Variants in HIPK1 observed in about 807,000 individuals in gnomAD.
HIPK1 encodes the protein homeodomain-interacting protein kinase 1.
HIPK1 carries 28 observed loss-of-function variants against 117.1 expected under a neutral mutation model. The observed-to-expected ratio is 0.24, with a 90% confidence interval of 0.18 to 0.33. HIPK1 has a LOEUF of 0.33. Ranked by LOEUF, HIPK1 falls within the 10% of genes least tolerant of loss-of-function variation. The pLI, the probability that HIPK1 is intolerant of heterozygous loss-of-function variation, is 1.00. For synonymous variants in HIPK1, 605 were observed against 562.5 expected (o/e 1.08, Z -1.07); for missense variants, 1,122 against 1,475.1 (o/e 0.76, Z 3.92).
chr1:113,940,430 G>C lies in HIPK1; in HGVS notation c.47G>C (p.Ser16Thr). The change falls in exon 2 of 16, where the codon AGT becomes ACT. Residue 16 changes from serine (S) to threonine (T), a missense_variant. By Grantham distance (58) the Ser-to-Thr change is moderately conservative. Around this residue, in one of 6 missense-constraint regions of HIPK1, gnomAD observed 192 missense variants for 234.0 expected, o/e 0.82. Transcript: ENST00000426820. ...TTTTCGCCCCCATCAGTGTCGTCGA[G>C]TGCCTTCTGCAGTGCGAAGAAACTG... ...QVFSPPSVSS[S>T]AFCSAKKLKI... The C allele has an allele frequency of 2.5e-6, 4 of 1,613,680 alleles. No individual in the cohort carries two copies. In the South Asian group the frequency reaches 4.4e-5, roughly 18 times the overall value.
chr1:113,957,276 T>C lies in HIPK1; in HGVS notation c.1745T>C (p.Val582Ala). 6.2e-7 allele frequency: 1 copy of C among 1,608,556 alleles called. No homozygotes were observed. Among genetic ancestry groups the C allele is most frequent in the African/African-American group, 1.3e-5 (1 of 74,882 alleles). ...TMSFSNQLNT[V>A]HNQASVLASS... is the part of the protein sequence containing the mutation. The stretch of plus-strand genomic sequence containing the variant: ...AGCTTCAGCAATCAGCTCAATACAG[T>C]GCACAATCAGGTATTCAATAAATAA... Residue 582 changes from valine to alanine, a missense_variant, in exon 7 of 16, where the codon GTG becomes GCG. This residue lies in a region of HIPK1 where 731 missense variants were observed against 860.4 expected (regional missense o/e 0.85). Coordinates refer to ENST00000426820, the MANE Select transcript of HIPK1 (RefSeq NM_198268.3).
chr1:113,934,083 G>A (rs1174014730), intron 1 of HIPK1, among the ~76,000 whole-genome samples: 6 of 152,158 alleles, frequency 3.9e-5, no homozygotes, highest in Admixed American at 3.3e-4. Context: ...TAGACAATAT[G>A]TATACCTGTG....
intron 1 of HIPK1, among the ~76,000 whole-genome samples, chr1:113,939,011 G>A (rs1670465067): frequency 6.6e-6 from 1 of 151,362 alleles, no homozygotes; most frequent in South Asian, 2.1e-4. Context: ...GAGGAATAAG[G>A]GAGAGGAATG....
intron 13 of HIPK1, 42 bp from the exon 14 acceptor site, chr1:113,969,914 A>G (rs748161398): frequency 6.2e-7 from 1 of 1,609,948 alleles, no homozygotes; most frequent in African/African-American, 1.3e-5. Flanking sequence ...CACACACACA[A>G]AAAAGAACAA....
chr1:113,952,605 G>T (rs1671440385), intron 2 of HIPK1, among the ~76,000 whole-genome samples, 161 bp from the exon 3 acceptor site: 1 of 152,020 alleles, frequency 6.6e-6, no homozygotes, highest in Non-Finnish European at 1.5e-5. Flanking sequence ...AAACACATCT[G>T]GCCCTGAGCT....
intron 1 of HIPK1, chr1:113,929,797 A>ACGGCTCCGGGGGGCGGGGG: frequency 1.1e-6 from 1 of 930,896 alleles, no homozygotes; most frequent in Non-Finnish European, 1.3e-6. Flanking sequence ...GGGCGCGGGG[A>ACGGCTCCGGGGGGCGGGGG]CGGCTCCGGG....
chr1:113,955,378 G>A (rs977375512), intron 4 of HIPK1, among the ~76,000 whole-genome samples, 185 bp from the exon 5 acceptor site: 6 of 152,156 alleles, frequency 3.9e-5, no homozygotes, highest in African/African-American at 1.4e-4. Context: ...CTGTTGAAAG[G>A]GTAGCTAGAT....
At chr1:113,967,329 T>TA (rs1256374078) in intron 11 of HIPK1, among the ~76,000 whole-genome samples, 11 of 152,236 alleles carry the variant, frequency 7.2e-5, no homozygotes, top group African/African-American at 2.7e-4. Flanking sequence ...TGTACTAACT[T>TA]ACATTCCTAC....
chr1:113,969,951 C>T lies in HIPK1; in HGVS notation c.2772-5C>T. 6.2e-7 allele frequency: 1 copy of T among 1,613,712 alleles called. No individual in the cohort carries two copies. Among genetic ancestry groups the T allele is most frequent in the Non-Finnish European group, 8.5e-7 (1 of 1,179,724 alleles). On this transcript the variant is annotated splice_polypyrimidine_tract_variant and splice_region_variant and intron_variant, in intron 13 of 15. Coordinates refer to ENST00000426820, the MANE Select transcript of HIPK1 (RefSeq NM_198268.3). ...TCAATTTTCATGTATTTTTCTTTTC[C>T]TCAGCTCTGGACTGAAGCCAAGGTC...
At chr1:113,967,311 A>G (rs866586069) in intron 11 of HIPK1, among the ~76,000 whole-genome samples, 8 of 152,222 alleles carry the variant, frequency 5.3e-5, no homozygotes, top group African/African-American at 2.4e-5. Flanking sequence ...ACTGTTCTCC[A>G]TAATAGTTGT....
At chr1:113,969,368 G>T (rs1289000530) in intron 13 of HIPK1, among the ~76,000 whole-genome samples, 1 of 152,144 alleles carries the variant, frequency 6.6e-6, no homozygotes, top group African/African-American at 2.4e-5. Context: ...CACTTCTTGT[G>T]TGACCCTGGG....
chr1:113,973,192 C>G lies in HIPK1; in HGVS notation c.3313C>G (p.Leu1105Val), dbSNP rs772554579. 8 of 1,612,824 alleles carry G rather than the reference C, an allele frequency of 5.0e-6. No individual in the cohort carries two copies. The highest frequency in any genetic ancestry group is 6.8e-6 in the Non-Finnish European group (8 of 1,179,380). Residue 1105 changes from leucine (L) to valine (V), a missense_variant, in exon 16 of 16, where the codon CTG (leucine) becomes GTG (valine). Leu to Val is a conservative substitution (Grantham distance 32, BLOSUM62 1). Transcript: ENST00000426820. ...HPHLAPAPAH[L>V]PSQAHLYTYA... Reference sequence around the variant, plus strand: ...ACACCTTGCCCCGGCCCCTGCTCACCTGCCAAGCCAGGCTCATCTGTATAC... The same window carrying G: ...ACACCTTGCCCCGGCCCCTGCTCACGTGCCAAGCCAGGCTCATCTGTATAC...
intron 2 of HIPK1, among the ~76,000 whole-genome samples, chr1:113,949,726 G>C (rs879574680): frequency 1.3e-5 from 2 of 151,654 alleles, no homozygotes; most frequent in Non-Finnish European, 2.9e-5. Context: ...AGCCTCCTGA[G>C]TAGCTGGGAT....
chr1:113,975,150 T>C lies in HIPK1; in HGVS notation c.*1638T>C, dbSNP rs1220849695. The C allele has an allele frequency of 6.5e-6, 1 of 152,746 alleles. No homozygotes were observed. The highest frequency in any genetic ancestry group is 1.5e-5 in the Non-Finnish European group (1 of 68,058). The allele number at this position is 152,746 out of a possible 1,614,324, so 9.5% of individuals were successfully genotyped here. A position where few individuals can be genotyped will look rare whatever the true frequency, so the allele number is the denominator to read the frequency against. On this transcript the variant is annotated 3_prime_UTR_variant, in exon 16 of 16. Coordinates refer to ENST00000426820, the MANE Select transcript of HIPK1 (RefSeq NM_198268.3). ...TCCCTTATTGTAGTGCCTTATATGATAATGTAGTGGTTAATAGAGTTTACA... is the reference window on the plus strand; with the variant it reads ...TCCCTTATTGTAGTGCCTTATATGACAATGTAGTGGTTAATAGAGTTTACA...
In HIPK1 at chr1:113,941,869, C is replaced by T. The variant is rs1670662021; in HGVS notation, c.1076+410C>T. 6.6e-6 allele frequency among the ~76,000 whole-genome samples: 1 copy of T among 151,330 alleles called. No individual in the cohort carries two copies. The highest frequency in any genetic ancestry group is 2.1e-4 in the South Asian group (1 of 4,794). ...CCACCTCCTGGGTTCACGCCATTCT[C>T]CTGCCTCAGCCTCCTGAGTAGCTGG... On this transcript the variant is annotated intron_variant, in intron 2 of 15. Transcript: ENST00000426820. This position sits in a 1 kb window ranked among gnomAD's most constrained non-coding sequence, Gnocchi z 4.9.
chr1:113,972,883 G>T (rs1197659881), intron 15 of HIPK1, 141 bp from the exon 16 acceptor site: 3 of 817,620 alleles, frequency 3.7e-6, no homozygotes. Flanking sequence ...ATTTCTGACA[G>T]CATTCAATGC....
intron 10 of HIPK1, among the ~76,000 whole-genome samples, chr1:113,964,130 ATCTTACATTTAAAGATAT>A (rs1672303552): frequency 6.6e-6 from 1 of 152,196 alleles, no homozygotes; most frequent in African/African-American, 2.4e-5. Context: ...GGCAGCTTAT[ATCTTACATTTAAAGATAT>A]TCCCTTTAGA....
At chr1:113,960,167 C>T (rs1456158987) in intron 8 of HIPK1, among the ~76,000 whole-genome samples, 2 of 152,172 alleles carry the variant, frequency 1.3e-5, no homozygotes, top group African/African-American at 4.8e-5. Flanking sequence ...ACTATACTTA[C>T]AGGAGGATAG....
At chr1:113,956,472 C>T (rs990744658) in intron 5 of HIPK1, among the ~76,000 whole-genome samples, 155 bp from the exon 6 acceptor site, 1 of 152,166 alleles carries the variant, frequency 6.6e-6, no homozygotes, top group African/African-American at 2.4e-5. Flanking sequence ...GAGCTTCCTC[C>T]TCTGAAAATG....
Sources: allele counts gnomAD v4.1 joint callset (sites outside exome capture counted in the v4.1 genomes callset), GRCh38; gene constraint gnomAD v4.1.1; regional missense constraint gnomAD v4.1.1; non-coding constraint Gnocchi (gnomAD v3.1); transcripts MANE v1.5; gene names NCBI Gene and HGNC (gene_info 2026-07-23, HGNC 2026-07-21).